Variants in PAG1 observed in about 807,000 individuals in gnomAD.
The protein encoded by PAG1 is phosphoprotein membrane anchor with glycosphingolipid microdomains 1.
A neutral mutation model predicts 31.7 loss-of-function variants in PAG1; 23 were observed. That is an observed-to-expected ratio of 0.73 (90% CI 0.52 to 1.03). The LOEUF (loss-of-function observed/expected upper bound fraction) is 1.03. Ranked by LOEUF, PAG1 falls within the 50% of genes least tolerant of loss-of-function variation. The probability of loss-of-function intolerance (pLI) is 0.00; values close to 1 mark genes in which losing one functional copy is unlikely to be tolerated. For missense variants in PAG1, 473 were observed against 540.7 expected, an observed-to-expected ratio of 0.87 and a Z score of 1.24; for synonymous variants, 214 against 210.3, an observed-to-expected ratio of 1.02 and a Z score of -0.15.
At chr8:81,031,076 C>G (rs917938730) in intron 2 of PAG1, among the ~76,000 whole-genome samples, 1 of 152,136 alleles carries the variant, frequency 6.6e-6, no homozygotes, top group Non-Finnish European at 1.5e-5. Flanking sequence ...TACTGATGTT[C>G]TTTTGTTAGA....
At chr8:81,058,740 TA>T (rs1808868591) in intron 2 of PAG1, 1 of 150,792 alleles carries the variant, frequency 6.6e-6, no homozygotes. Context: ...TTACGAAAGA[TA>T]AAAAAGTAGC....
intron 2 of PAG1, among the ~76,000 whole-genome samples, chr8:81,038,612 C>T (rs1213692471): frequency 6.6e-6 from 1 of 152,114 alleles, no homozygotes; most frequent in East Asian, 1.9e-4. Flanking sequence ...TTTGAAGTGT[C>T]TTCCTTGCTC....
chr8:81,019,260 C>A (rs189568595), intron 3 of PAG1, among the ~76,000 whole-genome samples: 3 of 152,338 alleles, frequency 2.0e-5, no homozygotes, highest in African/African-American at 7.2e-5. Flanking sequence ...AAGAAAAACC[C>A]ATTTTCTGGG....
intron 1 of PAG1, among the ~76,000 whole-genome samples, chr8:81,089,431 G>A (rs1364700765): frequency 1.3e-5 from 2 of 152,144 alleles, no homozygotes; most frequent in Admixed American, 1.3e-4. Context: ...AGCCAGGTGT[G>A]GTGGTGGGTG....
intron 2 of PAG1, among the ~76,000 whole-genome samples, chr8:81,060,968 C>T (rs973192903): frequency 1.3e-5 from 2 of 152,330 alleles, no homozygotes; most frequent in Admixed American, 1.3e-4. Flanking sequence ...TCTCTGCTCC[C>T]TTGAAAGAAT....
At chr8:81,062,937 T>A (rs1237495252) in intron 2 of PAG1, among the ~76,000 whole-genome samples, 1 of 152,208 alleles carries the variant, frequency 6.6e-6, no homozygotes, top group African/African-American at 2.4e-5. Flanking sequence ...AGTTTCCTGT[T>A]TGGCAAAGTG....
intron 1 of PAG1, among the ~76,000 whole-genome samples, chr8:81,074,503 G>T (rs1332700530): frequency 6.6e-6 from 1 of 152,186 alleles, no homozygotes; most frequent in Non-Finnish European, 1.5e-5. Flanking sequence ...TGGAGTTAAG[G>T]CACAGGGGAT....
chr8:80,984,890 C>G lies in PAG1; in HGVS notation c.762G>C (p.Glu254Asp). Residue 254 changes from glutamate to aspartate, a missense_variant, in exon 7 of 9, where the codon GAG becomes GAC. Physicochemically the swap from Glu to Asp is conservative, Grantham distance 45 (BLOSUM62 2). Transcript: ENST00000220597. ...TAACAGGGACAGGTGGTGGGGCCTCCTCTTCTGGATCACATGAATTTCCAA... is the reference window on the plus strand; with the variant it reads ...TAACAGGGACAGGTGGTGGGGCCTCGTCTTCTGGATCACATGAATTTCCAA... ...SILGNSCDPE[E>D]EAPPPVPVKL... 2 of 1,614,144 alleles carry G rather than the reference C, an allele frequency of 1.2e-6. No individual in the cohort carries two copies. Among genetic ancestry groups the G allele is most frequent in the South Asian group, 2.2e-5 (2 of 91,074 alleles).
intron 1 of PAG1, among the ~76,000 whole-genome samples, chr8:81,072,198 G>T (rs971865574): frequency 1.3e-5 from 2 of 152,218 alleles, no homozygotes; most frequent in Admixed American, 6.5e-5. Flanking sequence ...CTTGTAAAGA[G>T]TCAGTGAATC....
intron 2 of PAG1, among the ~76,000 whole-genome samples, chr8:81,033,558 C>A (rs1312981539): frequency 2.6e-5 from 4 of 152,202 alleles, no homozygotes; most frequent in Non-Finnish European, 5.9e-5. Flanking sequence ...TCAAACATGA[C>A]CTCTCCCTGA....
intron 1 of PAG1, among the ~76,000 whole-genome samples, chr8:81,108,099 T>C (rs181341969): frequency 2.0e-3 from 311 of 152,264 alleles, no homozygotes; most frequent in African/African-American, 4.5e-3. Context: ...ACAGATAACA[T>C]AGATGAGAAA....
chr8:80,991,450 AG>A lies in PAG1; in HGVS notation c.177+28del, dbSNP rs566347247. The A allele has an allele frequency of 1.2e-5, 19 of 1,584,006 alleles. No homozygotes were observed. In the East Asian group the frequency reaches 1.8e-4, roughly 15 times the overall value. ...CTGATGTTCTGGAGCACGCACGGAC[AG>A]ACAGGCAGACGACACGCGCAGGCTC... is the stretch of plus-strand genomic sequence containing the variant. On this transcript the variant is annotated intron_variant, in intron 5 of 8. Coordinates refer to ENST00000220597, the MANE Select transcript of PAG1 (RefSeq NM_018440.4).
intron 2 of PAG1, among the ~76,000 whole-genome samples, chr8:81,055,075 CTTT>C (rs773535023): frequency 1.0e-4 from 14 of 138,926 alleles, no homozygotes; most frequent in Admixed American, 7.9e-4. Context: ...CTTTTTTTTT[CTTT>C]TTTTTTTTTT....
At chr8:81,034,707 C>T (rs1225649881) in intron 2 of PAG1, among the ~76,000 whole-genome samples, 1 of 152,168 alleles carries the variant, frequency 6.6e-6, no homozygotes, top group Admixed American at 6.5e-5. Context: ...GGTCTAGGGC[C>T]ATGCAGAGCA....
At position 81,040,320 on chromosome 8, in the gene PAG1, C is replaced by T. The variant is rs140240852; in HGVS notation, c.-174-10231G>A. 5.6e-4 allele frequency among the ~76,000 whole-genome samples: 86 copies of T among 152,290 alleles called. 2 individuals are homozygous for T. Among genetic ancestry groups the T allele is most frequent in the African/African-American group, 1.9e-3 (78 of 41,562 alleles). ...AAACTGAGCCCTGGCTGTAATCACA[C>T]GGCTATCTGAGGTCTGAGCCACAAA... is the stretch of plus-strand genomic sequence containing the variant. On this transcript the variant is annotated intron_variant, in intron 2 of 8. Coordinates refer to ENST00000220597, the MANE Select transcript of PAG1 (RefSeq NM_018440.4).
intron 1 of PAG1, among the ~76,000 whole-genome samples, chr8:81,071,775 G>A (rs968174979): frequency 6.6e-6 from 1 of 152,204 alleles, no homozygotes; most frequent in African/African-American, 2.4e-5. Flanking sequence ...CAAGGGATAA[G>A]AGGAGTATGA....
At chr8:81,004,514 G>A (rs1807841887) in intron 3 of PAG1, among the ~76,000 whole-genome samples, 1 of 152,174 alleles carries the variant, frequency 6.6e-6, no homozygotes, top group African/African-American at 2.4e-5. Context: ...CCATGAATAT[G>A]AAACAATATT....
chr8:81,075,430 C>T (rs1809160408), intron 1 of PAG1, among the ~76,000 whole-genome samples: 1 of 152,250 alleles, frequency 6.6e-6, no homozygotes, highest in Admixed American at 6.5e-5. Flanking sequence ...AACCCAGACA[C>T]TACCTCCTGT....
intron 2 of PAG1, among the ~76,000 whole-genome samples, chr8:81,049,403 A>T (rs1322679290): frequency 6.6e-6 from 1 of 152,238 alleles, no homozygotes; most frequent in African/African-American, 2.4e-5. Flanking sequence ...CTGCAGAAAA[A>T]TAATGATTTA....
Sources: allele counts gnomAD v4.1 joint callset (sites outside exome capture counted in the v4.1 genomes callset), GRCh38; gene constraint gnomAD v4.1.1; transcripts MANE v1.5; gene names NCBI Gene and HGNC (gene_info 2026-07-23, HGNC 2026-07-21).